The following XKRX variants were observed in gnomAD, a reference collection of about 807,000 sequenced individuals.
XKRX encodes the protein XK-related protein 2.
XKRX carries 11 observed loss-of-function variants against 22.4 expected under a neutral mutation model. That is an observed-to-expected ratio of 0.49 (90% CI 0.31 to 0.81). The LOEUF (loss-of-function observed/expected upper bound fraction) is 0.81, where lower values mean the gene tolerates loss of function less well. Ranked by LOEUF, XKRX falls within the 40% of genes least tolerant of loss-of-function variation. The probability of loss-of-function intolerance (pLI) is 0.05; values close to 1 mark genes in which losing one functional copy is unlikely to be tolerated. For missense variants in XKRX, 320 were observed against 336.5 expected (o/e 0.95, Z 0.38); for synonymous variants, 114 against 132.2 (o/e 0.86, Z 0.94).
the XKRX span, among the ~76,000 whole-genome samples, chrX:100,904,747 G>T: frequency 8.9e-6 from 1 of 111,813 alleles, no homozygotes. Context: ...AAGGTCTTAT[G>T]GGTAAGTGAG....
At chrX:100,910,729 A>G, downstream of XKRX, 1 of 657,793 alleles carries the variant, frequency 1.5e-6, no homozygotes, top group Non-Finnish European at 2.4e-6. Flanking sequence ...GAACGAATAT[A>G]TTGAATTACA....
the XKRX span, among the ~76,000 whole-genome samples, chrX:100,892,607 C>T: frequency 3.6e-5 from 4 of 112,596 alleles, no homozygotes; most frequent in Non-Finnish European, 7.5e-5. Flanking sequence ...CACAGAAAGG[C>T]AAATCAAAAC....
intron 2 of XKRX, among the ~76,000 whole-genome samples, 160 bp downstream of exon 2, chrX:100,922,633 C>T (rs1004701732): frequency 8.9e-6 from 1 of 112,589 alleles, no homozygotes; most frequent in Non-Finnish European, 1.9e-5. Context: ...CTGCTGAGAA[C>T]TTGAAATGTA....
the XKRX span, among the ~76,000 whole-genome samples, chrX:100,904,150 C>G: frequency 9.0e-6 from 1 of 111,724 alleles, no homozygotes; most frequent in Admixed American, 9.5e-5. Flanking sequence ...ATCAATGGGA[C>G]AGTAGAGATA....
the XKRX span, chrX:100,956,815 A>G: frequency 1.7e-6 from 1 of 597,613 alleles, no homozygotes; most frequent in Non-Finnish European, 2.9e-6. Flanking sequence ...TCATCAAGAC[A>G]AGATTCATCT....
At chrX:100,894,119 T>G in the XKRX span, among the ~76,000 whole-genome samples, 6 of 110,745 alleles carry the variant, frequency 5.4e-5, no homozygotes, top group East Asian at 1.7e-3. Context: ...ATACAAAAAT[T>G]AGCCTAGCAT....
At chrX:100,906,809 CT>C in the XKRX span, among the ~76,000 whole-genome samples, 1 of 111,552 alleles carries the variant, frequency 9.0e-6, no homozygotes, top group African/African-American at 3.3e-5. Flanking sequence ...TATTTCCATG[CT>C]TTTTCCAGCT....
intron 1 of XKRX, among the ~76,000 whole-genome samples, chrX:100,926,024 C>T (rs992360306): frequency 3.6e-5 from 4 of 112,055 alleles, no homozygotes; most frequent in African/African-American, 1.3e-4. Flanking sequence ...AGAGGGGCTA[C>T]CTCCTTCAGG....
the XKRX span, among the ~76,000 whole-genome samples, chrX:100,893,583 T>C: frequency 1.8e-5 from 2 of 112,005 alleles, no homozygotes; most frequent in East Asian, 2.8e-4. Context: ...CAACAGTTGA[T>C]TGGATAAAGA....
the XKRX span, among the ~76,000 whole-genome samples, chrX:100,890,833 T>C: frequency 9.0e-6 from 1 of 111,036 alleles, no homozygotes; most frequent in Non-Finnish European, 1.9e-5. Context: ...TGTACCTTCA[T>C]ACATGGACAA....
the XKRX span, among the ~76,000 whole-genome samples, chrX:100,950,121 A>G: frequency 2.1e-4 from 23 of 111,856 alleles, no homozygotes; most frequent in African/African-American, 6.8e-4. Context: ...TCAGGGTCCT[A>G]AAGGACAATG....
At chrX:100,956,611 G>A in the XKRX span, 1 of 516,688 alleles carries the variant, frequency 1.9e-6, no homozygotes, top group East Asian at 3.6e-5. Flanking sequence ...CATGCAGTAT[G>A]AACTCTTTTT....
At chrX:100,893,512 C>T in the XKRX span, among the ~76,000 whole-genome samples, 1 of 112,107 alleles carries the variant, frequency 8.9e-6, no homozygotes, top group Non-Finnish European at 1.9e-5. Flanking sequence ...CACCTGCACA[C>T]ATATGTTTGT....
intron 2 of XKRX, among the ~76,000 whole-genome samples, chrX:100,917,427 G>A (rs905788262): frequency 9.2e-6 from 1 of 108,653 alleles, no homozygotes; most frequent in Non-Finnish European, 1.9e-5. Flanking sequence ...AGACCAGCCT[G>A]ACCAACATGG....
the XKRX span, among the ~76,000 whole-genome samples, chrX:100,947,147 C>T: frequency 8.9e-6 from 1 of 112,196 alleles, no homozygotes; most frequent in Admixed American, 9.5e-5. Context: ...CTTCCACTGC[C>T]AACCTAATTT....
At chrX:100,950,574 C>T in the XKRX span, among the ~76,000 whole-genome samples, 7 of 112,245 alleles carry the variant, frequency 6.2e-5, no homozygotes. Flanking sequence ...CCACCAACAG[C>T]AGAGCAGATG....
At chrX:100,888,635 C>T in the XKRX span, 6 of 400,467 alleles carry the variant, frequency 1.5e-5, no homozygotes, top group East Asian at 2.1e-4. Flanking sequence ...TCTTTGTTGG[C>T]ATCCACAGGC....
At chrX:100,916,082 C>T (rs913518030) in intron 2 of XKRX, among the ~76,000 whole-genome samples, 1 of 74,736 alleles carries the variant, frequency 1.3e-5, no homozygotes, top group Admixed American at 1.4e-4. Flanking sequence ...TTTTACCACA[C>T]ACACACACAC....
the XKRX span, among the ~76,000 whole-genome samples, chrX:100,908,138 T>TGTGTGTGTG: frequency 2.7e-5 from 3 of 109,182 alleles, no homozygotes; most frequent in Non-Finnish European, 5.7e-5. Context: ...TGTGTGTGTG[T>TGTGTGTGTG]TTGAAACGGA....
Sources: allele counts gnomAD v4.1 joint callset (sites outside exome capture counted in the v4.1 genomes callset), GRCh38; gene constraint gnomAD v4.1.1; transcripts MANE v1.5; gene names NCBI Gene and HGNC (gene_info 2026-07-23, HGNC 2026-07-21).